The following PKD1L3 variants were observed in gnomAD, a reference collection of about 807,000 sequenced individuals.
PKD1L3 encodes polycystin 1 like 3, transient receptor potential channel interacting.
In PKD1L3, 239 loss-of-function variants were observed where a neutral mutation model predicts 184.1. That is an observed-to-expected ratio of 1.30 (90% CI 1.17 to 1.45). PKD1L3 has a LOEUF of 1.45. PKD1L3 is among the 40% of genes most tolerant of loss of function. The pLI is 0.00. For missense variants in PKD1L3, 2,660 were observed against 2,067.2 expected (o/e 1.29, Z -5.56); for synonymous variants, 996 against 778.8 (o/e 1.28, Z -4.64).
intron 16 of PKD1L3, among the ~76,000 whole-genome samples, chr16:71,961,295 G>T (rs2039268553): frequency 6.6e-6 from 1 of 152,104 alleles, no homozygotes; most frequent in Non-Finnish European, 1.5e-5. Flanking sequence ...GCTAACTTTT[G>T]TATTTTTGGT....
intron 11 of PKD1L3, among the ~76,000 whole-genome samples, chr16:71,976,840 T>A (rs1223470737): frequency 6.6e-6 from 1 of 152,092 alleles, no homozygotes; most frequent in Non-Finnish European, 1.5e-5. Context: ...TCTCCCAGGT[T>A]CAGGACATTT....
At chr16:71,959,336 G>C (rs8046703) in intron 16 of PKD1L3, among the ~76,000 whole-genome samples, 71,151 of 151,880 alleles carry the variant, frequency 0.47, 17,380 homozygotes, top group Middle Eastern at 0.57. Context: ...CTTGAACCTG[G>C]GAGGTGGAGG....
chr16:71,998,399 G>A lies in PKD1L3; in HGVS notation c.296-5C>T, dbSNP rs1567560896. The A allele has an allele frequency of 1.3e-6, 2 of 1,545,904 alleles. No individual in the cohort carries two copies. Among genetic ancestry groups the A allele is most frequent in the Non-Finnish European group, 1.7e-6 (2 of 1,145,978 alleles). On this transcript the variant is annotated splice_polypyrimidine_tract_variant and splice_region_variant and intron_variant, in intron 1 of 29. Transcript: ENST00000620267. ...GCCCGTTGGCTGCAACGTCTGCTGA[G>A]GGGAGATCAGACGCAGATGAGCCTC...
In PKD1L3 at chr16:71,979,899, T is replaced by G. The variant is rs993046156; in HGVS notation, c.1285A>C (p.Thr429Pro). The change falls in exon 9 of 30, where the codon ACT (threonine) becomes CCT (proline). Residue 429 changes from threonine to proline, a missense_variant. Thr to Pro is a conservative substitution (Grantham distance 38, BLOSUM62 -1). Coordinates refer to ENST00000620267, the MANE Select transcript of PKD1L3 (RefSeq NM_181536.2). The part of the protein sequence containing the change: ...TLLLSRQNIS[T>P]LPLSSYTLGH... ...AGAGTGTAAGAGCTCAGCGGTAAAGTTGATATGTTTTGTCTAATGAGAAAA... is the reference window on the plus strand; with the variant it reads ...AGAGTGTAAGAGCTCAGCGGTAAAGGTGATATGTTTTGTCTAATGAGAAAA... 19 of 1,549,856 alleles carry G rather than the reference T, an allele frequency of 1.2e-5. No homozygotes were observed. The highest frequency in any genetic ancestry group is 2.7e-5 in the African/African-American group (2 of 72,870).
chr16:71,958,894 C>T (rs2039159122), intron 16 of PKD1L3, among the ~76,000 whole-genome samples: 1 of 150,298 alleles, frequency 6.7e-6, no homozygotes, highest in Non-Finnish European at 1.5e-5. Flanking sequence ...TGAGACCAGC[C>T]TGGGCAACAG....
In PKD1L3 at chr16:71,967,956, G is replaced by C; in HGVS notation, c.2236C>G (p.Leu746Val). 1 of 1,551,640 alleles carries C rather than the reference G, an allele frequency of 6.4e-7. No individual in the cohort carries two copies. Among genetic ancestry groups the C allele is most frequent in the Non-Finnish European group, 8.7e-7 (1 of 1,146,936 alleles). The change falls in exon 14 of 30, where the codon CTT becomes GTT. Residue 746 changes from leucine to valine, a missense_variant. Leu to Val is a conservative substitution (Grantham distance 32, BLOSUM62 1). Transcript: ENST00000620267. ...CGATATCCGGTGTAGACCTGAATAA[G>C]GTAGTGAAATTGAGCGCTGGGGTCA... ...DNDPSAQFHY[L>V]IQVYTGYRRS...
At chr16:71,988,573 G>C (rs932859179) in intron 4 of PKD1L3, among the ~76,000 whole-genome samples, 2 of 152,208 alleles carry the variant, frequency 1.3e-5, no homozygotes, top group African/African-American at 2.4e-5. Context: ...GAAGGGGTTA[G>C]ATTTGGGACC....
At position 71,931,426 on chromosome 16, in the gene PKD1L3, A is replaced by G. The variant is rs568581166; in HGVS notation, c.4927-1243T>C. Among the ~76,000 whole-genome samples the G allele has an allele frequency of 2.7e-5, 4 of 149,946 alleles. No individual in the cohort carries two copies. In the South Asian group the frequency reaches 6.3e-4, roughly 24 times the overall value. On this transcript the variant is annotated intron_variant, in intron 28 of 29. Transcript: ENST00000620267. ...CCCTTATTTTTATTTTTTAATTGCA[A>G]GCTTCCCTAAAGGTTAAGAAAGTGT...
chr16:71,956,632 T>C (rs2039060536), intron 16 of PKD1L3, among the ~76,000 whole-genome samples: 4 of 152,232 alleles, frequency 2.6e-5, no homozygotes, highest in East Asian at 3.9e-4. Flanking sequence ...ATGAAATTTA[T>C]AGAAATAGAA....
At chr16:71,949,210 A>AT (rs1488180820) in intron 21 of PKD1L3, among the ~76,000 whole-genome samples, 1 of 150,960 alleles carries the variant, frequency 6.6e-6, no homozygotes, top group Non-Finnish European at 1.5e-5. Context: ...TTTGTTGTTT[A>AT]TTTTTTTCAA....
rs184287993 is a variant in PKD1L3, at chr16:71,960,788, T to C, written c.2612+2417A>G. 1.7e-3 allele frequency among the ~76,000 whole-genome samples: 259 copies of C among 152,256 alleles called. 2 individuals are homozygous for C. In the Middle Eastern group the frequency reaches 0.034, roughly 20 times the overall value. ...AAAAATACTAGAACTTTGGATGCAA[T>C]GGTATATGCCTGTAATCCTAGCTAC... On this transcript the variant is annotated intron_variant, in intron 16 of 29. Transcript: ENST00000620267.
intron 11 of PKD1L3, among the ~76,000 whole-genome samples, chr16:71,974,613 G>A (rs1039732242): frequency 2.0e-5 from 3 of 152,228 alleles, no homozygotes; most frequent in African/African-American, 7.2e-5. Flanking sequence ...GAGCCCAGGA[G>A]GCGGAGGCTA....
chr16:71,945,613 G>T (rs888399799), intron 22 of PKD1L3, among the ~76,000 whole-genome samples: 75 of 151,768 alleles, frequency 4.9e-4, no homozygotes, highest in African/African-American at 1.7e-3. Flanking sequence ...GGGAGGCAGA[G>T]GTTGCAGTGA....
intron 16 of PKD1L3, among the ~76,000 whole-genome samples, chr16:71,957,558 G>A (rs1229693041): frequency 2.0e-5 from 3 of 152,102 alleles, no homozygotes; most frequent in African/African-American, 4.8e-5. Flanking sequence ...AGCACTTTGG[G>A]AGGAGAAGGT....
chr16:71,958,608 C>G (rs2143475522), intron 16 of PKD1L3, among the ~76,000 whole-genome samples: 1 of 150,718 alleles, frequency 6.6e-6, no homozygotes, highest in Non-Finnish European at 1.5e-5. Flanking sequence ...TGGTGAAACC[C>G]CATCTCTACT....
intron 13 of PKD1L3, among the ~76,000 whole-genome samples, chr16:71,969,459 C>G (rs1444478958): frequency 6.8e-6 from 1 of 147,890 alleles, no homozygotes; most frequent in Non-Finnish European, 1.5e-5. Flanking sequence ...GCATGCACCA[C>G]CATGCCAGGC....
In PKD1L3 at chr16:71,979,797, C is replaced by A. The variant is rs1167857673; in HGVS notation, c.1387G>T (p.Val463Phe). 3 of 1,505,538 alleles carry A rather than the reference C, an allele frequency of 2.0e-6. No individual in the cohort carries two copies. The highest frequency in any genetic ancestry group is 2.5e-5 in the East Asian group (1 of 40,692). 93.3% of individuals were successfully genotyped at this position (1,505,538 alleles called of 1,614,324 possible). The change falls in exon 9 of 30, where the codon GTT (valine) becomes TTT (phenylalanine). Residue 463 changes from valine (V) to phenylalanine (F), a missense_variant. Coordinates refer to ENST00000620267, the MANE Select transcript of PKD1L3 (RefSeq NM_181536.2). ...AATTTCACACTCACTTGGACATTAA[C>A]TCCTGGATGTTTATTCAAGAGCTCC... ...LKELLNKHPG[V>F]NVQITGLAFN...
In PKD1L3 at chr16:71,954,168, T is replaced by G. The variant is rs553441346; in HGVS notation, c.2746A>C (p.Asn916His). Residue 916 changes from asparagine to histidine, a missense_variant, in exon 17 of 30, where the codon AAC becomes CAC. Transcript: ENST00000620267. The part of the protein sequence containing the change: ...LSCCMTLLLC[N>H]MVINVMFWKI... Reference sequence around the variant, plus strand: ...CAGAACATAACATTGATGACCATGTTGCAGAGTAGCAGTGTCATGCAGCAA... The same window carrying G: ...CAGAACATAACATTGATGACCATGTGGCAGAGTAGCAGTGTCATGCAGCAA... 7.9e-5 allele frequency: 123 copies of G among 1,551,362 alleles called. No homozygotes were observed. Among genetic ancestry groups the G allele is most frequent in the Non-Finnish European group, 1.1e-4 (121 of 1,146,846 alleles).
At chr16:71,967,820 A>G (rs996538053) in intron 14 of PKD1L3, 86 bp downstream of exon 14, 5 of 1,119,656 alleles carry the variant, frequency 4.5e-6, no homozygotes, top group Non-Finnish European at 5.2e-6. Context: ...TTAAAGTGCT[A>G]TTGGTTGCCA....
Sources: allele counts gnomAD v4.1 joint callset (sites outside exome capture counted in the v4.1 genomes callset), GRCh38; gene constraint gnomAD v4.1.1; transcripts MANE v1.5; gene names NCBI Gene and HGNC (gene_info 2026-07-23, HGNC 2026-07-21).